DPY19L2: variants seen among roughly 807,000 people sequenced by gnomAD.
DPY19L2 encodes probable C-mannosyltransferase DPY19L2.
A neutral mutation model predicts 97.9 loss-of-function variants in DPY19L2; 34 were observed. The ratio of observed to expected loss-of-function variants is 0.35; its 90% CI spans 0.26 to 0.46. The LOEUF is 0.46. Ranked by LOEUF, DPY19L2 falls within the 20% of genes least tolerant of loss-of-function variation. The pLI is 1.00. For missense variants in DPY19L2, 623 were observed against 911.4 expected (o/e 0.68, Z 4.07); for synonymous variants, 230 against 307.9 (o/e 0.75, Z 2.65).
In DPY19L2 at chr12:63,668,256, T is replaced by C. The variant is rs1407771514; in HGVS notation, c.138A>G (p.Lys46=). The C allele has an allele frequency of 1.2e-6, 2 of 1,613,802 alleles. No homozygotes were observed. The highest frequency in any genetic ancestry group is 1.7e-6 in the Non-Finnish European group (2 of 1,179,840). Residue 46 remains lysine (K), a synonymous_variant, in exon 1 of 22, where the codon AAA becomes AAG. Coordinates refer to ENST00000324472, the MANE Select transcript of DPY19L2 (RefSeq NM_173812.5). The part of the protein sequence containing the change: ...EMEKSALGGG[K]LPRGSWRSSP... ...AGGACCTCCAGGAGCCCCTTGGCAG[T>C]TTCCCGCCGCCTAGGGCCGACTTTT...
At chr12:63,600,838 TGCAGTGGCGCGATCTCTGCTCACTGCAA>T (rs369759629) in intron 12 of DPY19L2, among the ~76,000 whole-genome samples, 1,654 of 150,542 alleles carry the variant, frequency 0.011, 56 homozygotes, top group Admixed American at 0.063. Context: ...CAGGCCGGAG[TGCAGTGGCGCGATCTCTGCTCACTGCAA>T]GCTCCGCCTC....
intron 19 of DPY19L2, among the ~76,000 whole-genome samples, chr12:63,575,304 G>A (rs1879622025): frequency 6.6e-6 from 1 of 151,728 alleles, no homozygotes; most frequent in South Asian, 2.1e-4. Flanking sequence ...AAAACCTATG[G>A]GATACAGCAA....
intron 6 of DPY19L2, among the ~76,000 whole-genome samples, chr12:63,641,380 C>T (rs1393032935): frequency 1.3e-5 from 2 of 152,040 alleles, no homozygotes; most frequent in African/African-American, 2.4e-5. Context: ...TCCATGTAGT[C>T]GCCATATAAT....
At chr12:63,633,403 G>A (rs1032001709) in intron 6 of DPY19L2, among the ~76,000 whole-genome samples, 2 of 152,154 alleles carry the variant, frequency 1.3e-5, no homozygotes, top group Admixed American at 6.5e-5. Flanking sequence ...AGTGGGTGAA[G>A]GACATGAACA....
intron 16 of DPY19L2, among the ~76,000 whole-genome samples, chr12:63,593,324 T>C (rs1883494937): frequency 1.3e-5 from 2 of 152,296 alleles, no homozygotes; most frequent in East Asian, 3.9e-4. Context: ...CATGCTGCTA[T>C]AAAGACACTT....
rs1316112368 is a variant in DPY19L2 at position 63,569,231 on chromosome 12, T to C, written c.2119A>G (p.Arg707Gly). The C allele has an allele frequency of 6.3e-7, 1 of 1,594,318 alleles. No individual in the cohort carries two copies. Among genetic ancestry groups the C allele is most frequent in the Non-Finnish European group, 8.5e-7 (1 of 1,173,440 alleles). The change falls in exon 21 of 22, where the codon AGA (arginine) becomes GGA (glycine). Residue 707 changes from arginine to glycine, a missense_variant. Arg to Gly is a moderately radical substitution (Grantham distance 125, BLOSUM62 -2). Coordinates refer to ENST00000324472, the MANE Select transcript of DPY19L2 (RefSeq NM_173812.5). The part of the protein sequence containing the change: ...YVLEEAWCVV[R>G]TKPGCSMLEI... ...CATAGGGTTAATACTCACTTAGTTC[T>C]CACAACACACCATGCCTCTTCTAAA...
chr12:63,636,765 G>C (rs547260976), intron 6 of DPY19L2, among the ~76,000 whole-genome samples: 1 of 152,218 alleles, frequency 6.6e-6, no homozygotes, highest in East Asian at 1.9e-4. Context: ...CCCAATACAG[G>C]AGCAGCCAGA....
At chr12:63,610,854 A>C (rs1208233285) in intron 11 of DPY19L2, among the ~76,000 whole-genome samples, 1 of 93,790 alleles carries the variant, frequency 1.1e-5, no homozygotes, top group Non-Finnish European at 2.2e-5. Flanking sequence ...AAAAAAAAAA[A>C]AAAAAAAAAA....
chr12:63,662,455 T>A (rs55642943), intron 3 of DPY19L2, among the ~76,000 whole-genome samples: 1 of 151,660 alleles, frequency 6.6e-6, no homozygotes, highest in Admixed American at 6.6e-5. Flanking sequence ...AATTAAAAGA[T>A]ATCTAATATG....
upstream of DPY19L2, chr12:63,668,685 G>A (rs1811736): frequency 0.25 from 103,684 of 407,540 alleles, 15,537 homozygotes; most frequent in East Asian, 0.57. Flanking sequence ...CCCACGCACA[G>A]CCCCCCACAC....
chr12:63,576,244 A>C (rs1411071559), intron 19 of DPY19L2, among the ~76,000 whole-genome samples: 2 of 151,902 alleles, frequency 1.3e-5, no homozygotes, highest in Admixed American at 6.6e-5. Flanking sequence ...AATTCAACAT[A>C]CCTTCATGAT....
At chr12:63,599,629 C>T (rs987972818) in intron 13 of DPY19L2, among the ~76,000 whole-genome samples, 1 of 152,070 alleles carries the variant, frequency 6.6e-6, no homozygotes, top group East Asian at 1.9e-4. Flanking sequence ...ATATGATATA[C>T]TCATGTATGC....
At position 63,632,531 on chromosome 12, in the gene DPY19L2, G is replaced by A. The variant is rs550532298; in HGVS notation, c.804-6005C>T. On this transcript the variant is annotated intron_variant, in intron 6 of 21. Coordinates refer to ENST00000324472, the MANE Select transcript of DPY19L2 (RefSeq NM_173812.5). ...AAGGGATGTGAAGGACCTCTTCAAG[G>A]AGAACTACAAACCACTGCTCAATGA... Among the ~76,000 whole-genome samples the A allele has an allele frequency of 4.6e-5, 7 of 152,240 alleles. No homozygotes were observed. In the South Asian group the frequency reaches 1.4e-3, roughly 32 times the overall value.
intron 6 of DPY19L2, among the ~76,000 whole-genome samples, chr12:63,630,075 A>G (rs1213760852): frequency 2.0e-5 from 3 of 152,188 alleles, no homozygotes; most frequent in Non-Finnish European, 4.4e-5. Flanking sequence ...AGCATGAAAT[A>G]TGGAAAGGAA....
chr12:63,646,282 C>A (rs943869019), intron 5 of DPY19L2, among the ~76,000 whole-genome samples: 3 of 152,116 alleles, frequency 2.0e-5, no homozygotes, highest in African/African-American at 7.2e-5. Context: ...CTTAGGTGAT[C>A]ATTTTCACCA....
chr12:63,664,666 C>G (rs1292513576), intron 2 of DPY19L2, among the ~76,000 whole-genome samples: 4 of 152,076 alleles, frequency 2.6e-5, no homozygotes. Flanking sequence ...CAACAGCTGT[C>G]GGCAGTGAAG....
In DPY19L2 at chr12:63,582,542, A is replaced by G. The variant is rs746206390; in HGVS notation, c.1606-17T>C. ...AAAAGCCAGCTATAAAACACAAATA[A>G]GACAAAATCACATTTTTACTTTTCA... On this transcript the variant is annotated splice_polypyrimidine_tract_variant and intron_variant, in intron 17 of 21. Transcript: ENST00000324472. The G allele has an allele frequency of 7.3e-5, 117 of 1,600,198 alleles. No individual in the cohort carries two copies. Among genetic ancestry groups the G allele is most frequent in the Non-Finnish European group, 9.1e-5 (107 of 1,175,596 alleles).
In DPY19L2 at chr12:63,592,059, GGAAGGCAAGAGAAGA is replaced by G. The variant is rs1289613151; in HGVS notation, c.1580+2013_1580+2027del. On this transcript the variant is annotated intron_variant, in intron 16 of 21. Coordinates refer to ENST00000324472, the MANE Select transcript of DPY19L2 (RefSeq NM_173812.5). ...GGGAGGGGAGGGAACGGAAGGGAAG[GGAAGGCAAGAGAAGA>G]CAAGAGAAGACAAGAGAAAAGAGAA... Among the ~76,000 whole-genome samples the G allele has an allele frequency of 6.5e-3, 184 of 28,338 alleles. 4 individuals carry two copies. The highest frequency in any genetic ancestry group is 0.037 in the African/African-American group (179 of 4,776). The allele number at this position is 28,338 out of a possible 152,430, so 18.6% of individuals were successfully genotyped here. A position where few individuals can be genotyped will look rare whatever the true frequency, so the allele number is the denominator to read the frequency against.
rs1890953930 is a variant in DPY19L2, at chr12:63,632,856, C to CT, written c.804-6331_804-6330insA. On this transcript the variant is annotated intron_variant, in intron 6 of 21. Transcript: ENST00000324472. ...TAACCAAAACAGCATGGTACTGGTACCAAAACTGAGATATAGACCAATGGA... is the reference window on the plus strand; with the variant it reads ...TAACCAAAACAGCATGGTACTGGTACTCAAAACTGAGATATAGACCAATGGA... Among the ~76,000 whole-genome samples, 5 of 152,054 alleles carry CT rather than the reference C, an allele frequency of 3.3e-5. No individual in the cohort carries two copies. In the South Asian group the frequency reaches 1.0e-3, roughly 32 times the overall value.
Sources: allele counts gnomAD v4.1 joint callset (sites outside exome capture counted in the v4.1 genomes callset), GRCh38; gene constraint gnomAD v4.1.1; transcripts MANE v1.5; gene names NCBI Gene and HGNC (gene_info 2026-07-23, HGNC 2026-07-21).